SHISA9: variants seen among roughly 807,000 people sequenced by gnomAD.
The protein encoded by SHISA9 is protein shisa-9.
A neutral mutation model predicts 38.0 loss-of-function variants in SHISA9; 13 were observed. The ratio of observed to expected loss-of-function variants is 0.34; its 90% CI spans 0.22 to 0.54. The LOEUF is 0.54. Among genes scored for constraint, SHISA9 ranks in the 20% least tolerant of loss-of-function variants. SHISA9 has a pLI of 0.91. For missense variants in SHISA9, 538 were observed against 575.8 expected (o/e 0.93, Z 0.67); for synonymous variants, 275 against 242.0 (o/e 1.14, Z -1.27).
At chr16:13,046,838 G>A (rs1218834126) in intron 2 of SHISA9, among the ~76,000 whole-genome samples, 3 of 152,028 alleles carry the variant, frequency 2.0e-5, no homozygotes, top group African/African-American at 7.2e-5. Context: ...CTCTTCCTCT[G>A]CATGGCCTGG....
intron 2 of SHISA9, among the ~76,000 whole-genome samples, chr16:12,951,951 T>C (rs1157073367): frequency 6.6e-6 from 1 of 152,234 alleles, no homozygotes; most frequent in Non-Finnish European, 1.5e-5. Flanking sequence ...AAGGAACATA[T>C]GCATGTCAAT....
chr16:13,197,209 C>A (rs978519569), intron 2 of SHISA9, among the ~76,000 whole-genome samples: 14 of 151,748 alleles, frequency 9.2e-5, no homozygotes, highest in Non-Finnish European at 2.1e-4. Context: ...TTCCTACTGT[C>A]TGGAACACGG....
At chr16:13,056,982 G>A (rs1204434658) in intron 2 of SHISA9, among the ~76,000 whole-genome samples, 2 of 152,250 alleles carry the variant, frequency 1.3e-5, no homozygotes, top group African/African-American at 2.4e-5. Context: ...TCTGTGGTAT[G>A]TTAGCTGTGA....
At chr16:12,985,344 T>A (rs1433008151) in intron 2 of SHISA9, among the ~76,000 whole-genome samples, 1 of 152,188 alleles carries the variant, frequency 6.6e-6, no homozygotes, top group Non-Finnish European at 1.5e-5. Flanking sequence ...TTTCTTGGAA[T>A]TTCTCTGTTA....
At chr16:13,303,813 A>G in the SHISA9 span, among the ~76,000 whole-genome samples, 2 of 152,214 alleles carry the variant, frequency 1.3e-5, no homozygotes, top group African/African-American at 2.4e-5. Flanking sequence ...TTGCGTGAGA[A>G]TGATGACGTA....
chr16:13,286,508 G>A, the SHISA9 span, among the ~76,000 whole-genome samples: 1 of 152,136 alleles, frequency 6.6e-6, no homozygotes, highest in African/African-American at 2.4e-5. Context: ...ACAGCTCTGA[G>A]TGAACCAATT....
chr16:12,982,456 A>C (rs1261210028), intron 2 of SHISA9, among the ~76,000 whole-genome samples: 1 of 152,204 alleles, frequency 6.6e-6, no homozygotes, highest in South Asian at 2.1e-4. Flanking sequence ...CTTAGTGCAG[A>C]AAGTCATTCA....
chr16:12,941,014 A>C (rs1378079326), intron 2 of SHISA9, among the ~76,000 whole-genome samples: 3 of 152,184 alleles, frequency 2.0e-5, no homozygotes, highest in Admixed American at 1.3e-4. Context: ...CATCTGTGGC[A>C]CTTGAGTGAG....
the SHISA9 span, among the ~76,000 whole-genome samples, chr16:13,559,826 T>C: frequency 6.6e-6 from 1 of 152,278 alleles, no homozygotes; most frequent in African/African-American, 2.4e-5. Context: ...ACAGGCTGGA[T>C]TACAGAAAAG....
chr16:13,349,790 G>A, the SHISA9 span, among the ~76,000 whole-genome samples: 1 of 152,126 alleles, frequency 6.6e-6, no homozygotes, highest in Non-Finnish European at 1.5e-5. Context: ...ATGTAGGGAT[G>A]GTTACTTTTG....
At position 13,165,890 on chromosome 16, in the gene SHISA9, T is replaced by G. The variant is rs190615775; in HGVS notation, c.692-37504T>G. 1.5e-3 allele frequency among the ~76,000 whole-genome samples: 228 copies of G among 152,328 alleles called. 4 individuals are homozygous for G. In the South Asian group the frequency reaches 0.045, roughly 30 times the overall value. Reference sequence around the variant, plus strand: ...CTCTATAAAAACAGTGGGAAGCTTTTAAATTGAGCCTAAGAAGCAGTATTG... The same window carrying G: ...CTCTATAAAAACAGTGGGAAGCTTTGAAATTGAGCCTAAGAAGCAGTATTG... On this transcript the variant is annotated intron_variant, in intron 2 of 4. Transcript: ENST00000558583.
At chr16:13,218,098 C>T (rs1376151392) in intron 4 of SHISA9, among the ~76,000 whole-genome samples, 3 of 152,262 alleles carry the variant, frequency 2.0e-5, no homozygotes, top group African/African-American at 7.2e-5. Context: ...GACATTTCAC[C>T]TAGCTTTTCT....
At chr16:13,465,835 C>T in the SHISA9 span, among the ~76,000 whole-genome samples, 3 of 152,336 alleles carry the variant, frequency 2.0e-5, no homozygotes, top group South Asian at 6.2e-4. Context: ...TCAAATGTGG[C>T]CCACTGCCTG....
the SHISA9 span, among the ~76,000 whole-genome samples, chr16:13,420,293 G>A: frequency 2.1e-5 from 3 of 143,050 alleles, no homozygotes; most frequent in East Asian, 2.1e-4. Context: ...CTCAGCAGGC[G>A]TTTACTGTAG....
chr16:12,960,387 AC>A (rs1250618607), intron 2 of SHISA9, among the ~76,000 whole-genome samples: 6 of 152,192 alleles, frequency 3.9e-5, no homozygotes, highest in Non-Finnish European at 8.8e-5. Flanking sequence ...AACTGGAAAT[AC>A]CATTTGACCC....
intron 2 of SHISA9, among the ~76,000 whole-genome samples, chr16:13,000,415 C>T (rs556571220): frequency 5.9e-5 from 9 of 152,222 alleles, no homozygotes; most frequent in South Asian, 2.1e-4. Context: ...ACTGATCCTG[C>T]GCACAGCTCT....
At chr16:13,497,342 A>T in the SHISA9 span, among the ~76,000 whole-genome samples, 1 of 152,180 alleles carries the variant, frequency 6.6e-6, no homozygotes, top group Non-Finnish European at 1.5e-5. Context: ...TCTGTCTACC[A>T]AATCTGTCTA....
intron 2 of SHISA9, among the ~76,000 whole-genome samples, chr16:13,002,939 A>C (rs2072544391): frequency 6.6e-6 from 1 of 152,212 alleles, no homozygotes; most frequent in Admixed American, 6.5e-5. Context: ...ACATAGAATT[A>C]ATGCATCTAA....
At chr16:13,348,927 C>T in the SHISA9 span, among the ~76,000 whole-genome samples, 1 of 152,116 alleles carries the variant, frequency 6.6e-6, no homozygotes, top group Non-Finnish European at 1.5e-5. Context: ...GGACTAACAT[C>T]CCCCTTTGCC....
Sources: gnomAD v4.1 joint callset for allele counts (sites outside exome capture counted in the v4.1 genomes callset) on GRCh38, gnomAD v4.1.1 for gene constraint, MANE v1.5 for transcripts, NCBI Gene and HGNC (gene_info 2026-07-23, HGNC 2026-07-21) for gene names.